Variants in SH3BP4 observed in about 807,000 individuals in gnomAD.
SH3BP4 encodes SH3 domain binding protein 4, also known as SH3 domain-binding protein 4.
In SH3BP4, 33 loss-of-function variants were observed where a neutral mutation model predicts 65.5. The ratio of observed to expected loss-of-function variants is 0.50; its 90% CI spans 0.38 to 0.67. The LOEUF is 0.67. Among genes scored for constraint, SH3BP4 ranks in the 30% least tolerant of loss-of-function variants. The pLI, the probability that SH3BP4 is intolerant of heterozygous loss-of-function variation, is 0.00. For missense variants in SH3BP4, 1,134 were observed against 1,261.4 expected, an observed-to-expected ratio of 0.90 and a Z score of 1.53; for synonymous variants, 552 against 545.5, an observed-to-expected ratio of 1.01 and a Z score of -0.17.
At chr2:234,988,832 A>G (rs1246441537) in intron 1 of SH3BP4, among the ~76,000 whole-genome samples, 2 of 152,132 alleles carry the variant, frequency 1.3e-5, no homozygotes, top group South Asian at 2.1e-4. Flanking sequence ...AACACAGGAG[A>G]GAGGAAGGTT....
At chr2:235,019,942 T>G (rs887442753) in intron 2 of SH3BP4, among the ~76,000 whole-genome samples, 2 of 151,978 alleles carry the variant, frequency 1.3e-5, no homozygotes, top group African/African-American at 4.8e-5. Context: ...TATGGAAATG[T>G]TTTTGTAAAT....
intron 1 of SH3BP4, among the ~76,000 whole-genome samples, chr2:234,971,678 G>C (rs2106247880): frequency 6.6e-6 from 1 of 152,324 alleles, no homozygotes; most frequent in Admixed American, 6.5e-5. Flanking sequence ...TTTGACAGTA[G>C]CTGTCTCAGC....
At chr2:235,032,898 G>C (rs1326926514) in intron 2 of SH3BP4, among the ~76,000 whole-genome samples, 1 of 152,222 alleles carries the variant, frequency 6.6e-6, no homozygotes, top group South Asian at 2.1e-4. Flanking sequence ...TAAGCACACA[G>C]ACCTGACCGT....
rs1036609146 is a variant in SH3BP4, at chr2:235,030,968, G to A, written c.-132-3903G>A. The stretch of plus-strand genomic sequence containing the variant: ...TACTCACCCCTGAATGTCTGGATGG[G>A]TGTTACAGCTACACTCAAGGATGGC... On this transcript the variant is annotated intron_variant, in intron 2 of 5. Transcript: ENST00000392011. This position sits in a 1 kb window ranked among gnomAD's most constrained non-coding sequence, Gnocchi z 4.1. 6.6e-6 allele frequency among the ~76,000 whole-genome samples: 1 copy of A among 152,172 alleles called. No individual in the cohort carries two copies. The highest frequency in any genetic ancestry group is 1.5e-5 in the Non-Finnish European group (1 of 68,012).
chr2:235,027,288 C>T (rs917376749), intron 2 of SH3BP4, among the ~76,000 whole-genome samples: 9 of 152,326 alleles, frequency 5.9e-5, no homozygotes, highest in Admixed American at 2.0e-4. Flanking sequence ...GTGTTAACCC[C>T]GTGGTCTCCT....
chr2:235,033,288 G>A lies in SH3BP4; in HGVS notation c.-132-1583G>A, dbSNP rs889800378. On this transcript the variant is annotated intron_variant, in intron 2 of 5. Coordinates refer to ENST00000392011, the MANE Select transcript of SH3BP4 (RefSeq NM_014521.3). This position sits in a 1 kb window ranked among gnomAD's most constrained non-coding sequence, Gnocchi z 5.7. ...GAGGGCCCTCTTCCTGGCTTCATGT[G>A]TCCTCACGTGGTAGAGGGAGAGAGA... Among the ~76,000 whole-genome samples the A allele has an allele frequency of 1.3e-5, 2 of 152,180 alleles. No individual in the cohort carries two copies. The highest frequency in any genetic ancestry group is 2.9e-5 in the Non-Finnish European group (2 of 68,026).
chr2:235,032,051 G>A (rs1308334482), intron 2 of SH3BP4, among the ~76,000 whole-genome samples: 1 of 152,228 alleles, frequency 6.6e-6, no homozygotes, highest in African/African-American at 2.4e-5. Context: ...CGAGGTGGCC[G>A]AGGCAACCCT....
intron 2 of SH3BP4, among the ~76,000 whole-genome samples, chr2:235,005,732 A>G (rs1038601885): frequency 4.6e-5 from 7 of 152,172 alleles, no homozygotes; most frequent in Admixed American, 6.5e-5. Flanking sequence ...GAACCCTCCC[A>G]GGGATCCAGG....
rs527844421 is a variant in SH3BP4 at position 234,976,668 on chromosome 2, A to T, written c.-206-18635A>T. The stretch of plus-strand genomic sequence containing the variant: ...AAGGTCACCATGGCAGGGATAAGTC[A>T]CGCTGATGGCATTGTGTGGCAAGAA... On this transcript the variant is annotated intron_variant, in intron 1 of 5. Coordinates refer to ENST00000392011, the MANE Select transcript of SH3BP4 (RefSeq NM_014521.3). This position sits in a 1 kb window ranked among gnomAD's most constrained non-coding sequence, Gnocchi z 4.7. Among the ~76,000 whole-genome samples, 6 of 152,272 alleles carry T rather than the reference A, an allele frequency of 3.9e-5. No individual in the cohort carries two copies. The highest frequency in any genetic ancestry group is 1.4e-4 in the African/African-American group (6 of 41,568).
rs530257861 is a variant in SH3BP4, at chr2:234,985,481, TG to T, written c.-206-9821del. On this transcript the variant is annotated intron_variant, in intron 1 of 5. Transcript: ENST00000392011. ...GCATTTTTGACCCTCTGTGCACAGC[TG>T]TTTTTGACACTTGTGCATAAGCATT... is the stretch of plus-strand genomic sequence containing the variant. 9.1e-4 allele frequency among the ~76,000 whole-genome samples: 138 copies of T among 152,346 alleles called. 1 individual carries two copies. The highest frequency in any genetic ancestry group is 3.2e-3 in the African/African-American group (135 of 41,572).
intron 1 of SH3BP4, among the ~76,000 whole-genome samples, chr2:234,955,246 A>G (rs1293281857): frequency 6.6e-6 from 1 of 152,158 alleles, no homozygotes; most frequent in Non-Finnish European, 1.5e-5. Context: ...GCTCCTGGCC[A>G]GGAGCGAGCC....
Position 235,042,895 on chromosome 2 carries a change from G to T in SH3BP4, c.2126G>T (p.Gly709Val). The T allele has an allele frequency of 2.5e-6, 4 of 1,613,468 alleles. No homozygotes were observed. The highest frequency in any genetic ancestry group is 3.4e-6 in the Non-Finnish European group (4 of 1,179,948). ...GAGTGGTACATCGGCTACTACCAGG[G>T]CAGGGTGGGCCTCGTGCACACCAAG... is the stretch of plus-strand genomic sequence containing the variant. ...TKEWYIGYYQ[G>V]RVGLVHTKNV... is the part of the protein sequence containing the mutation. The change falls in exon 4 of 6, where the codon GGC (glycine) becomes GTC (valine). Residue 709 changes from glycine (G) to valine (V), a missense_variant. Coordinates refer to ENST00000392011, the MANE Select transcript of SH3BP4 (RefSeq NM_014521.3). This position sits in a 1 kb window ranked among gnomAD's most constrained non-coding sequence, Gnocchi z 7.3.
In SH3BP4 at chr2:235,026,108, G is replaced by C. The variant is rs1694992931; in HGVS notation, c.-132-8763G>C. 6.6e-6 allele frequency among the ~76,000 whole-genome samples: 1 copy of C among 152,124 alleles called. No homozygotes were observed. Among genetic ancestry groups the C allele is most frequent in the African/African-American group, 2.4e-5 (1 of 41,410 alleles). ...TGAGAACAACCCTACAGAGGGGATG[G>C]GGGAGGGATGGGGCCAGGAATAGAG... On this transcript the variant is annotated intron_variant, in intron 2 of 5. Transcript: ENST00000392011. This position sits in a 1 kb window ranked among gnomAD's most constrained non-coding sequence, Gnocchi z 4.6.
At chr2:234,966,935 C>T (rs1247363339) in intron 1 of SH3BP4, among the ~76,000 whole-genome samples, 4 of 152,196 alleles carry the variant, frequency 2.6e-5, no homozygotes, top group African/African-American at 9.7e-5. Flanking sequence ...TAACTAATCA[C>T]ATTTATGTAT....
At chr2:235,017,612 G>GGCATGATCCAGTCAT (rs1694728985) in intron 2 of SH3BP4, among the ~76,000 whole-genome samples, 1 of 152,012 alleles carries the variant, frequency 6.6e-6, no homozygotes, top group Non-Finnish European at 1.5e-5. Flanking sequence ...TGAGTGACTG[G>GGCATGATCCAGTCAT]GCATAAGTTG....
At chr2:234,990,849 G>T (rs1167008845) in intron 1 of SH3BP4, among the ~76,000 whole-genome samples, 1 of 152,228 alleles carries the variant, frequency 6.6e-6, no homozygotes, top group Non-Finnish European at 1.5e-5. Flanking sequence ...GGGAGAATCA[G>T]TTCCAGCCCT....
chr2:234,982,351 G>T (rs1693413573), intron 1 of SH3BP4, among the ~76,000 whole-genome samples: 1 of 152,164 alleles, frequency 6.6e-6, no homozygotes, highest in Admixed American at 6.5e-5. Context: ...GTGCTGGGCT[G>T]GGGTCGTGTG....
chr2:235,009,554 C>G (rs1476352811), intron 2 of SH3BP4, among the ~76,000 whole-genome samples: 6 of 151,916 alleles, frequency 3.9e-5, no homozygotes, highest in African/African-American at 1.5e-4. Flanking sequence ...TGTCTCTTCT[C>G]TCTCTCCTTG....
rs1695342464 is a variant in SH3BP4 at position 235,035,274 on chromosome 2, C to A, written c.118+154C>A. Among the ~76,000 whole-genome samples, 1 of 152,158 alleles carries A rather than the reference C, an allele frequency of 6.6e-6. No individual in the cohort carries two copies. The highest frequency in any genetic ancestry group is 1.9e-4 in the East Asian group (1 of 5,196). On this transcript the variant is annotated intron_variant, in intron 3 of 5. Coordinates refer to ENST00000392011, the MANE Select transcript of SH3BP4 (RefSeq NM_014521.3). This position sits in a 1 kb window ranked among gnomAD's most constrained non-coding sequence, Gnocchi z 5.0. ...CTTCATCATGGTAATAGATTTAGCC[C>A]TGGAATCATAGTCACTTGTCTTATT...
Sources: allele counts gnomAD v4.1 joint callset (sites outside exome capture counted in the v4.1 genomes callset), GRCh38; gene constraint gnomAD v4.1.1; non-coding constraint Gnocchi (gnomAD v3.1); transcripts MANE v1.5; gene names NCBI Gene and HGNC (gene_info 2026-07-23, HGNC 2026-07-21).